SERPINA6: variants seen among roughly 807,000 people sequenced by gnomAD.
SERPINA6 encodes the protein corticosteroid-binding globulin.
SERPINA6 carries 19 observed loss-of-function variants against 26.4 expected under a neutral mutation model. The observed-to-expected ratio is 0.72, with a 90% CI of 0.50 to 1.06. The LOEUF is 1.06. SERPINA6 is among the 50% of genes least tolerant of loss of function. The pLI, the probability that SERPINA6 is intolerant of heterozygous loss-of-function variation, is 0.00. For synonymous variants in SERPINA6, 196 were observed against 199.4 expected (o/e 0.98, Z 0.14); for missense variants, 473 against 504.0 (o/e 0.94, Z 0.59).
chr14:94,304,744 C>A, intron 4 of SERPINA6, 141 bp from the exon 5 acceptor site: 1 of 712,618 alleles, frequency 1.4e-6, no homozygotes, highest in Non-Finnish European at 2.4e-6. Context: ...GATTCTTATC[C>A]AAGTGGCAGC....
chr14:94,306,158 C>T lies in SERPINA6; in HGVS notation c.945G>A (p.Val315=), dbSNP rs1433843728. The T allele has an allele frequency of 1.2e-6, 2 of 1,614,182 alleles. No individual in the cohort carries two copies. Among genetic ancestry groups the T allele is most frequent in the Admixed American group, 1.7e-5 (1 of 60,030 alleles). ...TISGVYDLGD[V]LEEMGIADLF... is the part of the protein sequence containing the mutation. ...AGTCTGCAATGCCCATTTCCTCCAG[C>T]ACATCTCCGAGGTCATAGACTCCAG... Residue 315 remains valine (V), a synonymous_variant, in exon 4 of 5, where the codon GTG becomes GTA. Transcript: ENST00000341584.
At chr14:94,321,162 T>C (rs1411281747) in intron 1 of SERPINA6, among the ~76,000 whole-genome samples, 1 of 152,214 alleles carries the variant, frequency 6.6e-6, no homozygotes, top group East Asian at 1.9e-4. Flanking sequence ...CCAGTGCCTC[T>C]GCACAGCCTC....
chr14:94,314,031 A>C lies in SERPINA6; in HGVS notation c.613+5T>G, dbSNP rs755892719. ...GGGCCTTCAGATGGGGATGGGTGGG[A>C]ATACCTTTGAAGAAGATATAGTTGA... is the stretch of plus-strand genomic sequence containing the variant. On this transcript the variant is annotated splice_donor_5th_base_variant and intron_variant, in intron 2 of 4. Transcript: ENST00000341584. 1 of 1,614,126 alleles carries C rather than the reference A, an allele frequency of 6.2e-7. No homozygotes were observed. Among genetic ancestry groups the C allele is most frequent in the Non-Finnish European group, 8.5e-7 (1 of 1,180,018 alleles).
At chr14:94,311,807 G>C (rs540655505) in intron 2 of SERPINA6, among the ~76,000 whole-genome samples, 110 of 152,206 alleles carry the variant, frequency 7.2e-4, no homozygotes, top group African/African-American at 2.6e-3. Context: ...AATTAGCCGG[G>C]TGTCATGGCA....
chr14:94,314,592 G>C lies in SERPINA6; in HGVS notation c.57C>G (p.Thr19=). 1.2e-6 allele frequency: 2 copies of C among 1,614,182 alleles called. No homozygotes were observed. The highest frequency in any genetic ancestry group is 1.7e-6 in the Non-Finnish European group (2 of 1,180,022). Residue 19 remains threonine, a synonymous_variant, in exon 2 of 5, where the codon ACC becomes ACG. Transcript: ENST00000341584. ...CAGCGTTAGGATCCATGGCCTGGACGGTCCAGAGGCCGCTGGTGGGCAGCC... is the reference window on the plus strand; with the variant it reads ...CAGCGTTAGGATCCATGGCCTGGACCGTCCAGAGGCCGCTGGTGGGCAGCC... ...LLWLPTSGLW[T]VQAMDPNAAY...
At position 94,309,907 on chromosome 14, in the gene SERPINA6, C is replaced by T. The variant is rs767739597; in HGVS notation, c.713G>A (p.Ser238Asn). The T allele has an allele frequency of 1.8e-5, 29 of 1,614,058 alleles. No individual in the cohort carries two copies. In the Admixed American group the frequency reaches 4.8e-4, roughly 27 times the overall value. Reference sequence around the variant, plus strand: ...CGAGTCATGAAGGTAACTGATGGTGCTCGACTGCAACATCATGGGCACCTT... The same window carrying T: ...CGAGTCATGAAGGTAACTGATGGTGTTCGACTGCAACATCATGGGCACCTT... ...VVKVPMMLQS[S>N]TISYLHDSEL... Residue 238 changes from serine (S) to asparagine (N), a missense_variant, in exon 3 of 5, where the codon AGC (serine) becomes AAC (asparagine). Transcript: ENST00000341584.
chr14:94,304,499 G>C lies in SERPINA6; in HGVS notation c.1137C>G (p.Phe379Leu), dbSNP rs1193709022. The change falls in exon 5 of 5, where the codon TTC becomes TTG. Residue 379 changes from phenylalanine (F) to leucine (L), a missense_variant. By Grantham distance (22) the Phe-to-Leu change is conservative. Coordinates refer to ENST00000341584, the MANE Select transcript of SERPINA6 (RefSeq NM_001756.4). ...NLTSKPIILR[F>L]NQPFIIMIFD... ...AGATCATGATGATGAAGGGCTGGTT[G>C]AAACGCAAGATGATAGGCTTGGACG... 6.2e-7 allele frequency: 1 copy of C among 1,614,194 alleles called. No individual in the cohort carries two copies. The highest frequency in any genetic ancestry group is 1.7e-5 in the Admixed American group (1 of 60,030).
intron 1 of SERPINA6, 82 bp from the exon 2 acceptor site, chr14:94,314,749 A>T (rs1013112279): frequency 1.5e-6 from 2 of 1,350,764 alleles, no homozygotes; most frequent in African/African-American, 1.4e-5. Context: ...CAGGCAAAAG[A>T]CCCCATTCAA....
intron 4 of SERPINA6, 60 bp downstream of exon 4, chr14:94,306,011 A>G (rs1895433742): frequency 6.3e-7 from 1 of 1,596,634 alleles, no homozygotes; most frequent in South Asian, 1.1e-5. Flanking sequence ...ACTTCCTAGT[A>G]TTATATTTAT....
At chr14:94,312,198 A>G (rs1040290951) in intron 2 of SERPINA6, among the ~76,000 whole-genome samples, 10 of 152,146 alleles carry the variant, frequency 6.6e-5, no homozygotes, top group South Asian at 2.1e-4. Flanking sequence ...AGGTGTTCCA[A>G]GTTTCTCTGA....
At chr14:94,322,559 T>C (rs937168522) in intron 1 of SERPINA6, among the ~76,000 whole-genome samples, 9 of 152,164 alleles carry the variant, frequency 5.9e-5, no homozygotes, top group Non-Finnish European at 8.8e-5. Context: ...CATATAAAAA[T>C]GCAGAGTATC....
intron 3 of SERPINA6, among the ~76,000 whole-genome samples, chr14:94,306,731 G>A (rs1895446722): frequency 6.6e-6 from 1 of 152,220 alleles, no homozygotes. Flanking sequence ...GCAGGTGGGT[G>A]CGAAATCTCT....
At chr14:94,306,292 C>T (rs1895439522) in intron 3 of SERPINA6, 74 bp from the exon 4 acceptor site, 2 of 1,503,868 alleles carry the variant, frequency 1.3e-6, no homozygotes. Flanking sequence ...CACCTCTTCT[C>T]CTGGCCAGAC....
chr14:94,313,967 C>T (rs1173805215), intron 2 of SERPINA6, 69 bp downstream of exon 2: 2 of 1,565,114 alleles, frequency 1.3e-6, no homozygotes, highest in Non-Finnish European at 1.8e-6. Context: ...AAGAGTGTGC[C>T]CTGGATTTTA....
intron 1 of SERPINA6, among the ~76,000 whole-genome samples, chr14:94,319,982 A>T (rs1895661309): frequency 6.6e-6 from 1 of 152,242 alleles, no homozygotes; most frequent in African/African-American, 2.4e-5. Context: ...GGAAAAAATT[A>T]AATATAAATG....
chr14:94,318,228 G>T (rs966982981), intron 1 of SERPINA6, among the ~76,000 whole-genome samples: 1 of 152,162 alleles, frequency 6.6e-6, no homozygotes, highest in Non-Finnish European at 1.5e-5. Context: ...GGAAGAAATT[G>T]CTAAGATGAT....
At chr14:94,319,055 A>T (rs1895649108) in intron 1 of SERPINA6, among the ~76,000 whole-genome samples, 1 of 152,258 alleles carries the variant, frequency 6.6e-6, no homozygotes, top group African/African-American at 2.4e-5. Flanking sequence ...TAAGCACATG[A>T]AAAGATGCTC....
rs1895502117 is a variant in SERPINA6, at chr14:94,309,888, A to G, written c.732T>C (p.His244=). 3.7e-6 allele frequency: 6 copies of G among 1,614,078 alleles called. No individual in the cohort carries two copies. The highest frequency in any genetic ancestry group is 1.6e-4 in the Middle Eastern group (1 of 6,084). ...MLQSSTISYL[H]DSELPCQLVQ... Reference sequence around the variant, plus strand: ...CCAGCTGGCAGGGGAGCTCCGAGTCATGAAGGTAACTGATGGTGCTCGACT... The same window carrying G: ...CCAGCTGGCAGGGGAGCTCCGAGTCGTGAAGGTAACTGATGGTGCTCGACT... The change falls in exon 3 of 5, where the codon CAT becomes CAC. Residue 244 remains histidine (H), a synonymous_variant. Transcript: ENST00000341584.
At chr14:94,310,059 GGT>G (rs1159197260) in intron 2 of SERPINA6, 53 bp from the exon 3 acceptor site, 1 of 1,590,862 alleles carries the variant, frequency 6.3e-7, no homozygotes, top group Non-Finnish European at 8.6e-7. Flanking sequence ...CACAGTTCCA[GGT>G]GATCTCACGG....
Sources: allele counts gnomAD v4.1 joint callset (sites outside exome capture counted in the v4.1 genomes callset), GRCh38; gene constraint gnomAD v4.1.1; transcripts MANE v1.5; gene names NCBI Gene and HGNC (gene_info 2026-07-23, HGNC 2026-07-21).